ZNF600: variants seen among roughly 807,000 people sequenced by gnomAD.
ZNF600 encodes the protein zinc finger protein 600.
Under a neutral mutation model 7.3 loss-of-function variants are expected in ZNF600, and 4 were observed. That is an observed-to-expected ratio of 0.55 (90% CI 0.27 to 1.25). ZNF600 has a LOEUF of 1.25. Among genes scored for constraint, ZNF600 ranks in the 50% most tolerant of loss-of-function variants. The pLI is 0.12. For synonymous variants in ZNF600, 290 were observed against 308.9 expected, an observed-to-expected ratio of 0.94 and a Z score of 0.64; for missense variants, 911 against 922.1, an observed-to-expected ratio of 0.99 and a Z score of 0.16.
chr19:52,811,109 G>T, the ZNF600 span, among the ~76,000 whole-genome samples: 8 of 150,408 alleles, frequency 5.3e-5, no homozygotes, highest in African/African-American at 1.5e-4. Context: ...GGCTGGGCTG[G>T]TCTCCAGCTC....
rs368976862 is a variant in ZNF600 at position 52,774,370 on chromosome 19, G to A, written c.190+205C>T. ...CTTGAACCTGGGAGGCAGAGGTTGC[G>A]GTGAGCCAAGATCATACCATTGCTC... is the stretch of plus-strand genomic sequence containing the variant. On this transcript the variant is annotated intron_variant, in intron 3 of 3. Coordinates refer to ENST00000648973, the Ensembl canonical transcript of ZNF600. 2.8e-4 allele frequency among the ~76,000 whole-genome samples: 42 copies of A among 151,410 alleles called. No individual in the cohort carries two copies. The East Asian group carries it at 4.7e-3, about 17-fold the overall frequency.
At chr19:52,820,108 CT>C in the ZNF600 span, among the ~76,000 whole-genome samples, 1,493 of 120,280 alleles carry the variant, frequency 0.012, 30 homozygotes, top group Middle Eastern at 0.027. Context: ...TATTTAACCT[CT>C]TTTTTTTTTT....
At chr19:52,765,831 G>C in exon 4 of ZNF600, 1 of 1,613,816 alleles carries the variant, frequency 6.2e-7, no homozygotes, top group Non-Finnish European at 8.5e-7. Flanking sequence ...TTTGTCACAT[G>C]TTTCACATTT....
chr19:52,790,803 C>T (rs1568639567), upstream of ZNF600, among the ~76,000 whole-genome samples: 1 of 150,856 alleles, frequency 6.6e-6, no homozygotes, highest in Admixed American at 6.6e-5. Flanking sequence ...TCTCCTGCCT[C>T]AGCCTCCTGA....
the ZNF600 span, among the ~76,000 whole-genome samples, chr19:52,816,637 C>G: frequency 8.0e-6 from 1 of 124,430 alleles, no homozygotes; most frequent in Non-Finnish European, 1.6e-5. Flanking sequence ...GCACTCCACC[C>G]TGGGTGACAG....
At chr19:52,825,821 A>C in the ZNF600 span, among the ~76,000 whole-genome samples, 16,547 of 152,102 alleles carry the variant, frequency 0.11, 1,187 homozygotes, top group South Asian at 0.24. Flanking sequence ...CTCCATCTCT[A>C]TTAAAAATAC....
the ZNF600 span, among the ~76,000 whole-genome samples, chr19:52,815,237 C>T: frequency 0.059 from 8,529 of 144,910 alleles, 1,152 homozygotes; most frequent in African/African-American, 0.12. Context: ...CTATTGGGCC[C>T]GGGCACAGTG....
At chr19:52,792,195 G>C in the ZNF600 span, among the ~76,000 whole-genome samples, 2 of 152,184 alleles carry the variant, frequency 1.3e-5, no homozygotes, top group East Asian at 1.9e-4. Context: ...TCCAGACAGT[G>C]GATGGCAAAG....
At chr19:52,766,698 G>T in exon 4 of ZNF600, 2 of 1,614,046 alleles carry the variant, frequency 1.2e-6, no homozygotes, top group African/African-American at 2.7e-5. Context: ...TTTCTCTCCA[G>T]TGTGAATTCT....
At chr19:52,825,988 A>G in the ZNF600 span, among the ~76,000 whole-genome samples, 1 of 152,278 alleles carries the variant, frequency 6.6e-6, no homozygotes, top group Admixed American at 6.5e-5. Context: ...TCATCAAATA[A>G]TTTTATCTAA....
At chr19:52,783,564 T>C (rs542832476) in intron 1 of ZNF600, among the ~76,000 whole-genome samples, 6 of 152,258 alleles carry the variant, frequency 3.9e-5, no homozygotes, top group Admixed American at 6.5e-5. Flanking sequence ...GGTTTCACCG[T>C]GTTAGCCAGG....
chr19:52,771,010 T>C (rs1371724474), intron 3 of ZNF600, among the ~76,000 whole-genome samples: 1 of 152,056 alleles, frequency 6.6e-6, no homozygotes, highest in Non-Finnish European at 1.5e-5. Context: ...ATTTTGTATT[T>C]TTAGTAGAGA....
chr19:52,828,749 C>G, the ZNF600 span, among the ~76,000 whole-genome samples: 2 of 152,198 alleles, frequency 1.3e-5, no homozygotes, highest in Non-Finnish European at 2.9e-5. Flanking sequence ...AAGCCATGTT[C>G]AGAGTTCTTA....
chr19:52,825,924 T>A, the ZNF600 span, among the ~76,000 whole-genome samples: 5 of 152,222 alleles, frequency 3.3e-5, no homozygotes, highest in Admixed American at 3.3e-4. Flanking sequence ...GAGGAAAGAG[T>A]CTGCAGTGAG....
chr19:52,810,698 C>A, the ZNF600 span: 1 of 796,008 alleles, frequency 1.3e-6, no homozygotes, highest in Admixed American at 1.8e-5. Context: ...TCACGGTATT[C>A]CCCTTACTAA....
chr19:52,791,845 G>A, the ZNF600 span, among the ~76,000 whole-genome samples: 2 of 152,128 alleles, frequency 1.3e-5, no homozygotes, highest in African/African-American at 4.8e-5. Flanking sequence ...TCCCCTTCAG[G>A]GCACAGACCC....
At chr19:52,790,682 CTTTTT>C (rs71183835), upstream of ZNF600, among the ~76,000 whole-genome samples, 1 of 98,564 alleles carries the variant, frequency 1.0e-5, no homozygotes, top group Non-Finnish European at 1.9e-5. Context: ...TCTCTCTCTC[CTTTTT>C]TTTTTTTTTT....
At chr19:52,827,566 A>G in the ZNF600 span, among the ~76,000 whole-genome samples, 32 of 151,922 alleles carry the variant, frequency 2.1e-4, no homozygotes, top group African/African-American at 6.8e-4. Flanking sequence ...TCACTGAGTT[A>G]TAGAAGAAGG....
chr19:52,780,046 G>A (rs13346928), intron 1 of ZNF600, among the ~76,000 whole-genome samples: 18,271 of 152,014 alleles, frequency 0.12, 1,283 homozygotes, highest in South Asian at 0.19. Context: ...GATTGCAACC[G>A]TTTGTGCCAC....
Sources: allele counts gnomAD v4.1 joint callset (sites outside exome capture counted in the v4.1 genomes callset), GRCh38; gene constraint gnomAD v4.1.1; transcripts MANE v1.5; gene names NCBI Gene and HGNC (gene_info 2026-07-23, HGNC 2026-07-21).